The following CSMD3 variants were observed in gnomAD, a reference collection of about 807,000 sequenced individuals.
The protein encoded by CSMD3 is CUB and sushi domain-containing protein 3.
In CSMD3, 177 loss-of-function variants were observed where a neutral mutation model predicts 435.2. The ratio of observed to expected loss-of-function variants is 0.41; its 90% CI spans 0.36 to 0.46. The LOEUF (loss-of-function observed/expected upper bound fraction) is 0.46, where lower values mean the gene tolerates loss of function less well. Ranked by LOEUF, CSMD3 falls within the 20% of genes least tolerant of loss-of-function variation. CSMD3 has a pLI of 0.34. For missense variants in CSMD3, 4,265 were observed against 4,504.6 expected (o/e 0.95, Z 1.52); for synonymous variants, 1,656 against 1,520.5 (o/e 1.09, Z -2.07).
chr8:112,328,772 C>T (rs905271034), intron 45 of CSMD3, among the ~76,000 whole-genome samples: 11 of 152,116 alleles, frequency 7.2e-5, no homozygotes, highest in Admixed American at 6.6e-4. Flanking sequence ...ACAGTTCCTC[C>T]TTTACACACT....
chr8:112,327,376 G>A (rs1439505480), intron 45 of CSMD3, among the ~76,000 whole-genome samples: 1 of 152,146 alleles, frequency 6.6e-6, no homozygotes, highest in Non-Finnish European at 1.5e-5. Context: ...GACTCTTTAA[G>A]GGGTAGTAGG....
At chr8:112,276,742 C>A (rs1818083152) in intron 59 of CSMD3, among the ~76,000 whole-genome samples, 2 of 152,198 alleles carry the variant, frequency 1.3e-5, no homozygotes, top group Non-Finnish European at 2.9e-5. Context: ...GACGTACAGG[C>A]ATGTCCATAC....
At chr8:113,271,662 C>T (rs755677947) in intron 3 of CSMD3, among the ~76,000 whole-genome samples, 3 of 152,116 alleles carry the variant, frequency 2.0e-5, no homozygotes, top group Non-Finnish European at 4.4e-5. Flanking sequence ...GGATAACTTA[C>T]GCTAGGGCAG....
At chr8:113,090,320 A>G (rs2089960363) in intron 5 of CSMD3, among the ~76,000 whole-genome samples, 1 of 152,172 alleles carries the variant, frequency 6.6e-6, no homozygotes, top group African/African-American at 2.4e-5. Context: ...GATGATCTGA[A>G]TTATTAAAAG....
intron 12 of CSMD3, among the ~76,000 whole-genome samples, chr8:112,828,256 T>G (rs2079757454): frequency 6.6e-6 from 1 of 152,148 alleles, no homozygotes; most frequent in African/African-American, 2.4e-5. Context: ...GAGGAAGTGT[T>G]AAGAATGAAG....
intron 6 of CSMD3, among the ~76,000 whole-genome samples, chr8:113,010,411 T>C (rs1587879217): frequency 6.6e-6 from 1 of 151,822 alleles, no homozygotes; most frequent in East Asian, 1.9e-4. Context: ...GTTTATTCTC[T>C]TATCAGCAGG....
intron 38 of CSMD3, among the ~76,000 whole-genome samples, chr8:112,363,525 G>A (rs924362846): frequency 6.6e-6 from 1 of 151,900 alleles, no homozygotes; most frequent in South Asian, 2.1e-4. Flanking sequence ...GCAGCTAAAA[G>A]ATTATTACCT....
rs988952930 is a variant in CSMD3 at position 112,314,320 on chromosome 8, T to C, written c.7549+109A>G. ...TTTAATGTTGGTACTTCTAAAAATATCTGTAAGATAAACTCACATAAGCAG... is the reference window on the plus strand; with the variant it reads ...TTTAATGTTGGTACTTCTAAAAATACCTGTAAGATAAACTCACATAAGCAG... On this transcript the variant is annotated intron_variant, in intron 48 of 70. Transcript: ENST00000297405. 3 of 839,902 alleles carry C rather than the reference T, an allele frequency of 3.6e-6. No homozygotes were observed. The African/African-American group carries it at 5.1e-5, about 14-fold the overall frequency. 52.0% of individuals were successfully genotyped at this position (839,902 alleles called of 1,614,324 possible).
At chr8:112,857,826 G>A (rs1386592710) in intron 11 of CSMD3, among the ~76,000 whole-genome samples, 1 of 151,470 alleles carries the variant, frequency 6.6e-6, no homozygotes, top group Non-Finnish European at 1.5e-5. Flanking sequence ...AGTTTTCCAA[G>A]CACTTCATGT....
chr8:113,410,310 C>A (rs1321489365), intron 1 of CSMD3, among the ~76,000 whole-genome samples: 1 of 152,172 alleles, frequency 6.6e-6, no homozygotes, highest in Non-Finnish European at 1.5e-5. Flanking sequence ...TTCTTATCAC[C>A]TACTATCTCC....
At chr8:113,129,672 C>T (rs566261368) in intron 4 of CSMD3, among the ~76,000 whole-genome samples, 1 of 152,256 alleles carries the variant, frequency 6.6e-6, no homozygotes, top group Admixed American at 6.5e-5. Flanking sequence ...CTGTGAGAAT[C>T]ATGGAGAGAG....
intron 4 of CSMD3, among the ~76,000 whole-genome samples, chr8:113,100,297 T>C (rs546818735): frequency 1.3e-5 from 2 of 152,246 alleles, no homozygotes; most frequent in African/African-American, 4.8e-5. Flanking sequence ...AATGAACTAG[T>C]TGTCTTGTCT....
intron 5 of CSMD3, among the ~76,000 whole-genome samples, chr8:113,059,648 G>T (rs746594434): frequency 2.0e-5 from 3 of 152,178 alleles, no homozygotes; most frequent in Non-Finnish European, 2.9e-5. Flanking sequence ...GGTTATGGTT[G>T]TATGTAAGAT....
At chr8:112,427,915 A>C (rs552372894) in intron 32 of CSMD3, among the ~76,000 whole-genome samples, 1 of 152,182 alleles carries the variant, frequency 6.6e-6, no homozygotes, top group Non-Finnish European at 1.5e-5. Flanking sequence ...AATCCAATTT[A>C]TTCTCCACAC....
At position 113,187,430 on chromosome 8, in the gene CSMD3, G is replaced by T. The variant is rs191740191; in HGVS notation, c.515-13514C>A. Among the ~76,000 whole-genome samples the T allele has an allele frequency of 5.9e-5, 9 of 152,102 alleles. No individual in the cohort carries two copies. In the East Asian group the frequency reaches 1.8e-3, roughly 30 times the overall value. ...ATTGTAATTCAAGGATCAAGGAGTTGTAACAAGAGGTGACAAATATGACCA... is the reference window on the plus strand; with the variant it reads ...ATTGTAATTCAAGGATCAAGGAGTTTTAACAAGAGGTGACAAATATGACCA... On this transcript the variant is annotated intron_variant, in intron 3 of 70. Coordinates refer to ENST00000297405, the MANE Select transcript of CSMD3 (RefSeq NM_198123.2).
At chr8:113,238,009 A>G (rs907032561) in intron 3 of CSMD3, among the ~76,000 whole-genome samples, 1 of 144,482 alleles carries the variant, frequency 6.9e-6, no homozygotes, top group African/African-American at 2.6e-5. Flanking sequence ...TAGGAGGTGG[A>G]GGTTGCAGTG....
chr8:112,650,056 TA>T, intron 19 of CSMD3, 104 bp downstream of exon 19: 2 of 878,126 alleles, frequency 2.3e-6, no homozygotes, highest in Non-Finnish European at 1.8e-6. Flanking sequence ...AAAGAACTTT[TA>T]AAAAACCTAA....
intron 3 of CSMD3, among the ~76,000 whole-genome samples, chr8:113,227,948 TA>T (rs1308122888): frequency 6.6e-6 from 1 of 151,552 alleles, no homozygotes; most frequent in Non-Finnish European, 1.5e-5. Context: ...TCAAGATGAC[TA>T]AAGATCAAGC....
chr8:113,030,375 C>G (rs1290704933), intron 5 of CSMD3, among the ~76,000 whole-genome samples: 3 of 120,672 alleles, frequency 2.5e-5, no homozygotes, highest in Non-Finnish European at 4.9e-5. Flanking sequence ...TGATTTCAAA[C>G]TACAGTATAA....
Sources: gnomAD v4.1 joint callset for allele counts (sites outside exome capture counted in the v4.1 genomes callset) on GRCh38, gnomAD v4.1.1 for gene constraint, MANE v1.5 for transcripts, NCBI Gene and HGNC (gene_info 2026-07-23, HGNC 2026-07-21) for gene names.